CDKL1: variants seen among roughly 807,000 people sequenced by gnomAD.
The protein encoded by CDKL1 is cyclin dependent kinase like 1, also known as cyclin-dependent kinase-like 1.
In CDKL1, 41 loss-of-function variants were observed where a neutral mutation model predicts 42.0. The ratio of observed to expected loss-of-function variants is 0.98; its 90% CI spans 0.76 to 1.27. The LOEUF (loss-of-function observed/expected upper bound fraction) is 1.27. Ranked by LOEUF, CDKL1 falls within the 50% of genes most tolerant of loss-of-function variation. CDKL1 has a pLI of 0.00. For synonymous variants in CDKL1, 153 were observed against 158.6 expected (o/e 0.96, Z 0.26); for missense variants, 394 against 428.4 (o/e 0.92, Z 0.71).
At chr14:50,387,166 C>G (rs957854638) in intron 2 of CDKL1, among the ~76,000 whole-genome samples, 5 of 147,606 alleles carry the variant, frequency 3.4e-5, no homozygotes, top group Non-Finnish European at 7.4e-5. Flanking sequence ...ATCATTGCCC[C>G]ACTGCACTCC....
At chr14:50,342,292 C>A (rs756814461) in intron 4 of CDKL1, 70 bp from the exon 5 acceptor site, 3 of 1,519,570 alleles carry the variant, frequency 2.0e-6, no homozygotes, top group Middle Eastern at 3.9e-4. Context: ...AAACACATGA[C>A]TATTTAGCAA....
chr14:50,353,957 CTT>C (rs529856608), intron 3 of CDKL1, among the ~76,000 whole-genome samples: 18 of 142,846 alleles, frequency 1.3e-4, no homozygotes, highest in African/African-American at 1.3e-4. Flanking sequence ...TCAATTTTTT[CTT>C]TTTTTTTTTT....
chr14:50,332,687 T>C, intron 8 of CDKL1: 1 of 1,533,478 alleles, frequency 6.5e-7, no homozygotes, highest in Non-Finnish European at 8.7e-7. Flanking sequence ...CAATTGGTAC[T>C]CTGCCCTGGG....
intron 4 of CDKL1, chr14:50,343,030 C>T (rs752227409): frequency 3.0e-6 from 4 of 1,351,092 alleles, no homozygotes; most frequent in Non-Finnish European, 3.9e-6. Flanking sequence ...GGTTTCCAGC[C>T]CACAGCCAAC....
intron 5 of CDKL1, among the ~76,000 whole-genome samples, chr14:50,341,450 A>T (rs1022133507): frequency 1.7e-4 from 1 of 5,854 alleles, no homozygotes; most frequent in African/African-American, 4.5e-4. Flanking sequence ...ATCCCTGGGG[A>T]GGGTCTGGGG....
chr14:50,371,189 A>T (rs1322655030), intron 2 of CDKL1, among the ~76,000 whole-genome samples: 1 of 152,222 alleles, frequency 6.6e-6, no homozygotes, highest in Non-Finnish European at 1.5e-5. Flanking sequence ...GACTTTGGCT[A>T]TTGTGAACAG....
At chr14:50,353,142 C>T (rs772020375) in intron 3 of CDKL1, among the ~76,000 whole-genome samples, 10 of 152,162 alleles carry the variant, frequency 6.6e-5, no homozygotes, top group African/African-American at 1.7e-4. Flanking sequence ...ATTATGTGTT[C>T]GTTTCACAAA....
Position 50,343,155 on chromosome 14 carries a change from C to CTTTTTT in CDKL1, c.364-939_364-934dup, listed in dbSNP as rs3049935. 2.4e-3 allele frequency: 715 copies of CTTTTTT among 293,024 alleles called. 6 individuals are homozygous for CTTTTTT. The highest frequency in any genetic ancestry group is 3.6e-3 in the Middle Eastern group (3 of 834). The allele number at this position is 293,024 out of a possible 1,614,324, so 18.2% of individuals were successfully genotyped here. A position where few individuals can be genotyped will look rare whatever the true frequency, so the allele number is the denominator to read the frequency against. On this transcript the variant is annotated intron_variant, in intron 4 of 9. Coordinates refer to ENST00000395834, the MANE Select transcript of CDKL1 (RefSeq NM_004196.7). ...AAATCAACAACCTAATTAAGAGTTA[C>CTTTTTT]TTTTTTTTTTTTTTTTTTTGAGTTG...
chr14:50,381,021 A>T (rs1041038548), intron 2 of CDKL1, among the ~76,000 whole-genome samples: 2 of 152,194 alleles, frequency 1.3e-5, no homozygotes, highest in Admixed American at 6.5e-5. Flanking sequence ...CATTTAAAAA[A>T]GGGCATTGCT....
At position 50,332,645 on chromosome 14, in the gene CDKL1, A is replaced by G. The variant is rs1384798925; in HGVS notation, c.796-213T>C. 4.6e-6 allele frequency: 7 copies of G among 1,527,620 alleles called. No homozygotes were observed. In the South Asian group the frequency reaches 8.4e-5, roughly 18 times the overall value. 94.6% of individuals were successfully genotyped at this position (1,527,620 alleles called of 1,614,324 possible). A position where few individuals can be genotyped will look rare whatever the true frequency, so the allele number is the denominator to read the frequency against. The stretch of plus-strand genomic sequence containing the variant: ...TAGTTTCTAGAAGTAGTAATGAAAA[A>G]TCATTTTCTCCACCTTATTCTGTTC... On this transcript the variant is annotated intron_variant, in intron 8 of 9. Coordinates refer to ENST00000395834, the MANE Select transcript of CDKL1 (RefSeq NM_004196.7).
intron 3 of CDKL1, chr14:50,358,133 A>G: frequency 7.4e-7 from 1 of 1,344,674 alleles, no homozygotes; most frequent in Non-Finnish European, 9.9e-7. Flanking sequence ...GCACACAAAG[A>G]TGTTGCATAT....
intron 9 of CDKL1, 40 bp from the exon 10 acceptor site, chr14:50,330,221 C>T: frequency 6.3e-7 from 1 of 1,578,004 alleles, no homozygotes. Context: ...AAAACTGTGC[C>T]ATGCATTTTT....
In CDKL1 at chr14:50,344,931, C is replaced by A. The variant is rs899258202; in HGVS notation, c.363+55G>T. ...TGTGACATAAACTTTGTACAAGGCTCCACCTCAGCTTAAGGGGAGCCTTGT... is the reference window on the plus strand; with the variant it reads ...TGTGACATAAACTTTGTACAAGGCTACACCTCAGCTTAAGGGGAGCCTTGT... On this transcript the variant is annotated intron_variant, in intron 4 of 9. Transcript: ENST00000395834. The A allele has an allele frequency of 6.6e-5, 92 of 1,396,290 alleles. No homozygotes were observed. The Admixed American group carries it at 1.5e-3, about 23-fold the overall frequency. 86.5% of individuals were successfully genotyped at this position (1,396,290 alleles called of 1,614,324 possible). A position where few individuals can be genotyped will look rare whatever the true frequency, so the allele number is the denominator to read the frequency against.
At chr14:50,391,540 G>T (rs907844681) in intron 2 of CDKL1, among the ~76,000 whole-genome samples, 1 of 152,060 alleles carries the variant, frequency 6.6e-6, no homozygotes. Context: ...CTGACACCAC[G>T]CTTGCCTAGT....
At chr14:50,393,749 A>C (rs1017489496) in intron 2 of CDKL1, among the ~76,000 whole-genome samples, 1 of 152,232 alleles carries the variant, frequency 6.6e-6, no homozygotes, top group Admixed American at 6.5e-5. Flanking sequence ...CATAGAGATC[A>C]GTGGTGTCTA....
intron 3 of CDKL1, among the ~76,000 whole-genome samples, chr14:50,345,334 C>T (rs984157636): frequency 6.6e-6 from 1 of 152,156 alleles, no homozygotes; most frequent in Non-Finnish European, 1.5e-5. Flanking sequence ...TATTTATAAC[C>T]ACCTATCTCA....
chr14:50,335,443 C>A (rs1444184439), intron 7 of CDKL1: 1 of 1,529,420 alleles, frequency 6.5e-7, no homozygotes, highest in African/African-American at 1.4e-5. Context: ...CTAGGGCCTG[C>A]TGCTTCCCTT....
intron 8 of CDKL1, chr14:50,332,903 CT>C (rs35560184): frequency 0.16 from 40,746 of 261,742 alleles, 1,091 homozygotes; most frequent in Non-Finnish European, 0.16. Context: ...AAATCAGCTA[CT>C]TTTTTTTTTT....
At chr14:50,390,152 C>T in intron 2 of CDKL1, 4 of 1,366,128 alleles carry the variant, frequency 2.9e-6, no homozygotes, top group Non-Finnish European at 3.9e-6. Context: ...GTAGATGATT[C>T]CTTCTCTTTG....
Sources: gnomAD v4.1 joint callset for allele counts (sites outside exome capture counted in the v4.1 genomes callset) on GRCh38, gnomAD v4.1.1 for gene constraint, MANE v1.5 for transcripts, NCBI Gene and HGNC (gene_info 2026-07-23, HGNC 2026-07-21) for gene names.